Variants in ADARB2 observed in about 807,000 individuals in gnomAD.
ADARB2 encodes inactive double-stranded RNA-specific editase B2.
Under a neutral mutation model 62.2 loss-of-function variants are expected in ADARB2, and 25 were observed. That is an observed-to-expected ratio of 0.40 (90% confidence interval 0.29 to 0.56). The LOEUF (loss-of-function observed/expected upper bound fraction) is 0.56. Ranked by LOEUF, ADARB2 falls within the 20% of genes least tolerant of loss-of-function variation. ADARB2 has a pLI of 0.43. For missense variants in ADARB2, 1,071 were observed against 1,077.4 expected, an observed-to-expected ratio of 0.99 and a Z score of 0.08; for synonymous variants, 572 against 500.8, an observed-to-expected ratio of 1.14 and a Z score of -1.90.
intron 1 of ADARB2, among the ~76,000 whole-genome samples, chr10:1,518,220 C>CT (rs1368057831): frequency 2.0e-5 from 3 of 152,208 alleles, no homozygotes; most frequent in Non-Finnish European, 4.4e-5. Context: ...TCTCAGCCCT[C>CT]TAAGTAGAAG....
chr10:1,261,361 C>G (rs1380092594), intron 4 of ADARB2, among the ~76,000 whole-genome samples: 3 of 148,016 alleles, frequency 2.0e-5, no homozygotes, highest in Non-Finnish European at 4.4e-5. Flanking sequence ...TCAGAGTGAA[C>G]AGGCAACCTA....
chr10:1,613,651 T>A (rs563723648), intron 1 of ADARB2, among the ~76,000 whole-genome samples: 1 of 152,336 alleles, frequency 6.6e-6, no homozygotes, highest in African/African-American at 2.4e-5. Context: ...TGAGCTGGGA[T>A]TTTCCTGGAA....
chr10:1,514,267 T>G (rs1270728775), intron 1 of ADARB2, among the ~76,000 whole-genome samples: 1 of 149,220 alleles, frequency 6.7e-6, no homozygotes, highest in Admixed American at 6.8e-5. Context: ...TACAGAGGAC[T>G]CCTGAATGTT....
At chr10:1,205,640 T>C (rs1435871693) in intron 7 of ADARB2, among the ~76,000 whole-genome samples, 2 of 152,214 alleles carry the variant, frequency 1.3e-5, no homozygotes, top group Admixed American at 6.5e-5. Context: ...CCTTCCACCA[T>C]GGGAGGACGC....
At chr10:1,664,046 G>C (rs1167553730) in intron 1 of ADARB2, among the ~76,000 whole-genome samples, 2 of 152,256 alleles carry the variant, frequency 1.3e-5, no homozygotes, top group Non-Finnish European at 2.9e-5. Flanking sequence ...GCTGTAAACA[G>C]CTGTTTCTGT....
intron 1 of ADARB2, among the ~76,000 whole-genome samples, chr10:1,584,457 T>C (rs567641702): frequency 1.7e-3 from 261 of 152,242 alleles, no homozygotes; most frequent in Non-Finnish European, 2.9e-3. Flanking sequence ...CTGGTGAGGA[T>C]GTGGAGCAGC....
intron 1 of ADARB2, among the ~76,000 whole-genome samples, chr10:1,513,970 C>T (rs1018519936): frequency 6.6e-6 from 1 of 151,540 alleles, no homozygotes; most frequent in African/African-American, 2.4e-5. Context: ...TGCTTGTAAT[C>T]CCAGCATTGT....
intron 2 of ADARB2, among the ~76,000 whole-genome samples, chr10:1,378,071 G>A (rs758035346): frequency 6.6e-6 from 1 of 152,148 alleles, no homozygotes; most frequent in Non-Finnish European, 1.5e-5. Flanking sequence ...CATTTGCCAG[G>A]TGGTGTTAAA....
At chr10:1,365,563 G>C (rs567524133) in intron 2 of ADARB2, among the ~76,000 whole-genome samples, 49 of 152,148 alleles carry the variant, frequency 3.2e-4, no homozygotes, top group Non-Finnish European at 6.0e-4. Flanking sequence ...CCACTTGCTT[G>C]GTTTCTGCCC....
intron 1 of ADARB2, among the ~76,000 whole-genome samples, chr10:1,573,993 C>T (rs764127982): frequency 5.3e-5 from 8 of 152,216 alleles, no homozygotes; most frequent in South Asian, 2.1e-4. Flanking sequence ...TACATTAAAA[C>T]AATGACAAGA....
At chr10:1,346,989 A>G (rs1285985428) in intron 3 of ADARB2, among the ~76,000 whole-genome samples, 1 of 152,268 alleles carries the variant, frequency 6.6e-6, no homozygotes, top group African/African-American at 2.4e-5. Flanking sequence ...TGGATACATC[A>G]TGTTGACCTA....
chr10:1,341,534 A>C (rs866820887), intron 3 of ADARB2, among the ~76,000 whole-genome samples: 8,919 of 38,358 alleles, frequency 0.23, 3 homozygotes, highest in African/African-American at 0.27. Flanking sequence ...CGGCAATAAC[A>C]AGCATCCACC....
chr10:1,309,692 G>A lies in ADARB2; in HGVS notation c.1078-38623C>T, dbSNP rs190142818. Among the ~76,000 whole-genome samples the A allele has an allele frequency of 2.0e-5, 3 of 152,354 alleles. No homozygotes were observed. In the East Asian group the frequency reaches 5.8e-4, roughly 29 times the overall value. On this transcript the variant is annotated intron_variant, in intron 3 of 9. Coordinates refer to ENST00000381312, the MANE Select transcript of ADARB2 (RefSeq NM_018702.4). The stretch of plus-strand genomic sequence containing the variant: ...AAGGCAGGATGAGCCACTAGGCTCT[G>A]GTCTTCAGATCCTAGAATCCAGGCT...
Position 1,444,582 on chromosome 10 carries a change from T to C in ADARB2, c.101-65422A>G, listed in dbSNP as rs186562767. ...ATCCATCCATCCACCCACCACTCTA[T>C]CTATTCACCATCTTTCTATCTACCT... On this transcript the variant is annotated intron_variant, in intron 1 of 9. Transcript: ENST00000381312. Among the ~76,000 whole-genome samples the C allele has an allele frequency of 4.1e-5, 6 of 147,906 alleles. No homozygotes were observed. In the East Asian group the frequency reaches 8.6e-4, roughly 21 times the overall value.
chr10:1,695,307 G>T (rs549304952), intron 1 of ADARB2, among the ~76,000 whole-genome samples: 2 of 152,224 alleles, frequency 1.3e-5, no homozygotes, highest in South Asian at 4.2e-4. Flanking sequence ...CCTTACCAGC[G>T]GTGCAGCTCA....
chr10:1,566,994 T>C (rs1195458910), intron 1 of ADARB2, among the ~76,000 whole-genome samples: 1 of 152,232 alleles, frequency 6.6e-6, no homozygotes, highest in African/African-American at 2.4e-5. Flanking sequence ...CCTGGGGTTT[T>C]AGAAATACAA....
chr10:1,183,731 C>G (rs1349906584), intron 9 of ADARB2, among the ~76,000 whole-genome samples: 3 of 152,134 alleles, frequency 2.0e-5, no homozygotes, highest in Non-Finnish European at 4.4e-5. Flanking sequence ...GTCGGCTGAG[C>G]AGGAGGATGA....
At chr10:1,534,202 T>C (rs892723816) in intron 1 of ADARB2, among the ~76,000 whole-genome samples, 3 of 151,430 alleles carry the variant, frequency 2.0e-5, no homozygotes, top group East Asian at 3.9e-4. Flanking sequence ...AAGGGCATGA[T>C]CTTGGCTCAC....
intron 1 of ADARB2, among the ~76,000 whole-genome samples, chr10:1,645,025 G>A (rs888323024): frequency 2.6e-5 from 4 of 152,226 alleles, no homozygotes; most frequent in Non-Finnish European, 2.9e-5. Context: ...TGTTTATGTG[G>A]TCAGTGTATA....
Sources: gnomAD v4.1 joint callset for allele counts (sites outside exome capture counted in the v4.1 genomes callset) on GRCh38, gnomAD v4.1.1 for gene constraint, MANE v1.5 for transcripts, NCBI Gene and HGNC (gene_info 2026-07-23, HGNC 2026-07-21) for gene names.